Variants in SPCS1 observed in about 807,000 individuals in gnomAD.
SPCS1 encodes signal peptidase complex subunit 1, also known as SPase 12 kDa subunit.
Under a neutral mutation model 16.4 loss-of-function variants are expected in SPCS1, and 10 were observed. The ratio of observed to expected loss-of-function variants is 0.61; its 90% CI spans 0.38 to 1.03. The LOEUF is 1.03. Ranked by LOEUF, SPCS1 falls within the 50% of genes least tolerant of loss-of-function variation. SPCS1 has a pLI of 0.01. For missense variants in SPCS1, 118 were observed against 123.8 expected (o/e 0.95, Z 0.22); for synonymous variants, 47 against 42.5 (o/e 1.10, Z -0.41).
rs1487309381 is a variant in SPCS1 at position 52,706,670 on chromosome 3, A to G, written c.63A>G (p.Glu21=). ...QMDYKGQKLA[E]QMFQGIILFS... The stretch of plus-strand genomic sequence containing the variant: ...ATTACAAGGGCCAGAAGCTAGCTGA[A>G]CAGATGTTTCAGGGAATTATTCTTT... Residue 21 remains glutamate, a synonymous_variant, in exon 2 of 4, where the codon GAA becomes GAG. Transcript: ENST00000619898. The G allele has an allele frequency of 3.7e-6, 6 of 1,613,868 alleles. No homozygotes were observed. The Admixed American group carries it at 5.0e-5, about 13-fold the overall frequency.
chr3:52,706,323 G>C (rs1257186931), intron 1 of SPCS1, 41 bp downstream of exon 1: 13 of 1,577,206 alleles, frequency 8.2e-6, no homozygotes, highest in South Asian at 1.1e-5. Context: ...CCGTTCTTGT[G>C]CCTGGCAGCT....
In SPCS1 at chr3:52,706,199, C is replaced by T. The variant is rs2097344550; in HGVS notation, c.-48C>T. 3.2e-6 allele frequency: 5 copies of T among 1,563,542 alleles called. No homozygotes were observed. The highest frequency in any genetic ancestry group is 3.4e-4 in the Middle Eastern group (2 of 5,818). ...GGTCCTTAAGTCTCGGTCGCCCTCG[C>T]CTCGCAGCCTGCCACCCGCGCTCAG... is the stretch of plus-strand genomic sequence containing the variant. On this transcript the variant is annotated 5_prime_UTR_variant, in exon 1 of 4. Transcript: ENST00000619898.
rs1268566924 is a variant in SPCS1, at chr3:52,708,060, TAATG to T, written c.*251_*254del. 18 of 317,140 alleles carry T rather than the reference TAATG, an allele frequency of 5.7e-5. No individual in the cohort carries two copies. The highest frequency in any genetic ancestry group is 2.7e-4 in the African/African-American group (13 of 47,828). 19.6% of individuals were successfully genotyped at this position (317,140 alleles called of 1,614,324 possible). A position where few individuals can be genotyped will look rare whatever the true frequency, so the allele number is the denominator to read the frequency against. ...GTATGAAGTTTCTTTCAGGTGTAAATAATGAAAAATAAATGCCTCATAAATGATA... is the reference window on the plus strand; with the variant it reads ...GTATGAAGTTTCTTTCAGGTGTAAATAAAAATAAATGCCTCATAAATGATA... On this transcript the variant is annotated 3_prime_UTR_variant, in exon 4 of 4. Transcript: ENST00000619898.
rs762585746 is a variant in SPCS1 at position 52,706,674 on chromosome 3, A to C, written c.67A>C (p.Met23Leu). ...CAAGGGCCAGAAGCTAGCTGAACAG[A>C]TGTTTCAGGGAATTATTCTTTTTTC... ...DYKGQKLAEQ[M>L]FQGIILFSAI... Residue 23 changes from methionine to leucine, a missense_variant, in exon 2 of 4, where the codon ATG becomes CTG. Physicochemically the swap from Met to Leu is conservative, Grantham distance 15 (BLOSUM62 2). Coordinates refer to ENST00000619898, the MANE Select transcript of SPCS1 (RefSeq NM_014041.5). The C allele has an allele frequency of 1.2e-6, 2 of 1,613,782 alleles. No individual in the cohort carries two copies. The highest frequency in any genetic ancestry group is 1.7e-6 in the Non-Finnish European group (2 of 1,179,912).
chr3:52,707,708 A>G lies in SPCS1; in HGVS notation c.205A>G (p.Ile69Val), dbSNP rs1379356068. 3 of 1,614,062 alleles carry G rather than the reference A, an allele frequency of 1.9e-6. No individual in the cohort carries two copies. The highest frequency in any genetic ancestry group is 1.7e-6 in the Non-Finnish European group (2 of 1,179,974). The change falls in exon 4 of 4, where the codon ATC becomes GTC. Residue 69 changes from isoleucine to valine, a missense_variant. Physicochemically the swap from Ile to Val is conservative, Grantham distance 29 (BLOSUM62 3). Transcript: ENST00000619898. ...CCAGCTGACACTTCCTCCATGGCCC[A>G]TCTATCGCCGGCATCCTCTCAAGTG... Reference protein sequence around the residue: ...SCLLTLPPWPIYRRHPLKWLP... With the variant: ...SCLLTLPPWPVYRRHPLKWLP...
In SPCS1 at chr3:52,707,921, A is replaced by G; in HGVS notation, c.*109A>G. On this transcript the variant is annotated 3_prime_UTR_variant, in exon 4 of 4. Transcript: ENST00000619898. The stretch of plus-strand genomic sequence containing the variant: ...TAATGCTCTTATGGCACAGCTGTGT[A>G]TAGATTTAGTTCTCTTTATACTTCA... 1 of 1,367,724 alleles carries G rather than the reference A, an allele frequency of 7.3e-7. No individual in the cohort carries two copies. The highest frequency in any genetic ancestry group is 1.0e-6 in the Non-Finnish European group (1 of 980,426). 84.7% of individuals were successfully genotyped at this position (1,367,724 alleles called of 1,614,324 possible).
At position 52,708,095 on chromosome 3, in the gene SPCS1, A is replaced by G. The variant is rs1410119685; in HGVS notation, c.*283A>G. ...TAAATGCCTCATAAATGATAGTACA[A>G]TGTAACTATCAAAGTTTTATAATTC... On this transcript the variant is annotated 3_prime_UTR_variant, in exon 4 of 4. Coordinates refer to ENST00000619898, the MANE Select transcript of SPCS1 (RefSeq NM_014041.5). 3 of 226,862 alleles carry G rather than the reference A, an allele frequency of 1.3e-5. No homozygotes were observed. The highest frequency in any genetic ancestry group is 1.0e-4 in the Admixed American group (2 of 19,538). 14.1% of individuals were successfully genotyped at this position (226,862 alleles called of 1,614,324 possible). A position where few individuals can be genotyped will look rare whatever the true frequency, so the allele number is the denominator to read the frequency against.
Position 52,706,106 on chromosome 3 carries a change from G to T in SPCS1, c.-141G>T. The T allele has an allele frequency of 6.5e-7, 1 of 1,538,498 alleles. No individual in the cohort carries two copies. Among genetic ancestry groups the T allele is most frequent in the African/African-American group, 1.4e-5 (1 of 73,104 alleles). ...GTCGGAGACTTCCGCTTCCGGGGCC[G>T]CCGCCATCGCTCTCCCGGGCTTAGA... On this transcript the variant is annotated 5_prime_UTR_variant, in exon 1 of 4. Transcript: ENST00000619898.
Position 52,707,311 on chromosome 3 carries a change from A to G in SPCS1, c.184-376A>G, listed in dbSNP as rs548403196. 29 of 209,224 alleles carry G rather than the reference A, an allele frequency of 1.4e-4. No individual in the cohort carries two copies. The East Asian group carries it at 3.4e-3, about 25-fold the overall frequency. The allele number at this position is 209,224 out of a possible 1,614,324, so 13.0% of individuals were successfully genotyped here. ...CAGCCTCCCGAGTAGCTGTGACTACAGGAGCCCACCACCACACCCAGCTAA... is the reference window on the plus strand; with the variant it reads ...CAGCCTCCCGAGTAGCTGTGACTACGGGAGCCCACCACCACACCCAGCTAA... On this transcript the variant is annotated intron_variant, in intron 3 of 3. Transcript: ENST00000619898.
rs899172807 is a variant in SPCS1 at position 52,708,680 on chromosome 3, T to G, written c.*868T>G. On this transcript the variant is annotated 3_prime_UTR_variant, in exon 4 of 4. Coordinates refer to ENST00000619898, the MANE Select transcript of SPCS1 (RefSeq NM_014041.5). ...ATTTAATAGACAAGTGATTTTGTAT[T>G]TAACATTTCACCTTTATTGAATGCC... The G allele has an allele frequency of 1.3e-5, 2 of 152,190 alleles. No homozygotes were observed. The highest frequency in any genetic ancestry group is 2.9e-5 in the Non-Finnish European group (2 of 68,038). 9.4% of individuals were successfully genotyped at this position (152,190 alleles called of 1,614,324 possible). A position where few individuals can be genotyped will look rare whatever the true frequency, so the allele number is the denominator to read the frequency against.
chr3:52,709,927 T>C lies in SPCS1; in HGVS notation c.*2115T>C, dbSNP rs1433642863. The C allele has an allele frequency of 6.6e-6, 1 of 152,128 alleles. No individual in the cohort carries two copies. The highest frequency in any genetic ancestry group is 1.5e-5 in the Non-Finnish European group (1 of 68,030). The allele number at this position is 152,128 out of a possible 1,614,324, so 9.4% of individuals were successfully genotyped here. On this transcript the variant is annotated 3_prime_UTR_variant, in exon 4 of 4. Transcript: ENST00000619898. ...CTTGATGGTTTTGCAAGTTGAGTTCTAGCAAACCCTTCAAAGTGAAAATAA... is the reference window on the plus strand; with the variant it reads ...CTTGATGGTTTTGCAAGTTGAGTTCCAGCAAACCCTTCAAAGTGAAAATAA...
chr3:52,707,885 C>T lies in SPCS1; in HGVS notation c.*73C>T. The stretch of plus-strand genomic sequence containing the variant: ...ATTGCTTTCATACCCCAGATAAGAG[C>T]TAAAACCACCTAATGCTCTTATGGC... On this transcript the variant is annotated 3_prime_UTR_variant, in exon 4 of 4. Coordinates refer to ENST00000619898, the MANE Select transcript of SPCS1 (RefSeq NM_014041.5). The T allele has an allele frequency of 6.5e-7, 1 of 1,546,954 alleles. No individual in the cohort carries two copies. The highest frequency in any genetic ancestry group is 8.9e-7 in the Non-Finnish European group (1 of 1,123,402).
Position 52,706,215 on chromosome 3 carries a change from C to A in SPCS1, c.-32C>A, listed in dbSNP as rs1190462310. The A allele has an allele frequency of 1.3e-6, 2 of 1,576,800 alleles. No individual in the cohort carries two copies. Among genetic ancestry groups the A allele is most frequent in the South Asian group, 1.1e-5 (1 of 88,012 alleles). On this transcript the variant is annotated 5_prime_UTR_variant, in exon 1 of 4. Coordinates refer to ENST00000619898, the MANE Select transcript of SPCS1 (RefSeq NM_014041.5). Reference sequence around the variant, plus strand: ...TCGCCCTCGCCTCGCAGCCTGCCACCCGCGCTCAGCTGCCCGCCTCCTCAG... The same window carrying A: ...TCGCCCTCGCCTCGCAGCCTGCCACACGCGCTCAGCTGCCCGCCTCCTCAG...
At chr3:52,707,548 C>T in intron 3 of SPCS1, 139 bp from the exon 4 acceptor site, 2 of 817,680 alleles carry the variant, frequency 2.4e-6, no homozygotes, top group Non-Finnish European at 1.9e-6. Context: ...TGGCACAGAG[C>T]CTTTATAGGA....
rs1553913192 is a variant in SPCS1 at position 52,706,616 on chromosome 3, A to T, written c.37-28A>T. The T allele has an allele frequency of 2.5e-6, 4 of 1,610,024 alleles. No homozygotes were observed. The Admixed American group carries it at 6.7e-5, about 27-fold the overall frequency. On this transcript the variant is annotated intron_variant, in intron 1 of 3. Coordinates refer to ENST00000619898, the MANE Select transcript of SPCS1 (RefSeq NM_014041.5). The stretch of plus-strand genomic sequence containing the variant: ...TTGTATGTTCTCGGCGGTGGAACCA[A>T]TTCTTTTTTTCCTCTGCTTCACCCC...
chr3:52,708,821 C>CAT lies in SPCS1; in HGVS notation c.*1011_*1012dup, dbSNP rs2097347428. ...CACTGCAGTGTAGCCAGAGCAAGGACATAAAACTTCCTTAGCTTTGTAAGT... is the reference window on the plus strand; with the variant it reads ...CACTGCAGTGTAGCCAGAGCAAGGACATATAAAACTTCCTTAGCTTTGTAAGT... On this transcript the variant is annotated 3_prime_UTR_variant, in exon 4 of 4. Coordinates refer to ENST00000619898, the MANE Select transcript of SPCS1 (RefSeq NM_014041.5). 2 of 151,806 alleles carry CAT rather than the reference C, an allele frequency of 1.3e-5. No individual in the cohort carries two copies. The highest frequency in any genetic ancestry group is 2.9e-5 in the Non-Finnish European group (2 of 67,960). 9.4% of individuals were successfully genotyped at this position (151,806 alleles called of 1,614,324 possible). A position where few individuals can be genotyped will look rare whatever the true frequency, so the allele number is the denominator to read the frequency against.
intron 3 of SPCS1, 98 bp from the exon 4 acceptor site, chr3:52,707,589 C>A: frequency 7.5e-7 from 1 of 1,324,796 alleles, no homozygotes; most frequent in Non-Finnish European, 1.0e-6. Flanking sequence ...TTTTTTGTTC[C>A]CTCAGCATAG....
At position 52,707,822 on chromosome 3, in the gene SPCS1, G is replaced by T; in HGVS notation, c.*10G>T. The T allele has an allele frequency of 6.2e-7, 1 of 1,613,726 alleles. No individual in the cohort carries two copies. The highest frequency in any genetic ancestry group is 1.1e-5 in the South Asian group (1 of 91,026). ...TGCTAAAAATAATTGAGGTTTTCAT[G>T]ATTCAGCACCTGCTTTTGTTTCTGT... On this transcript the variant is annotated 3_prime_UTR_variant, in exon 4 of 4. Transcript: ENST00000619898.
Position 52,706,204 on chromosome 3 carries a change from C to T in SPCS1, c.-43C>T. 6.4e-7 allele frequency: 1 copy of T among 1,568,532 alleles called. No individual in the cohort carries two copies. Among genetic ancestry groups the T allele is most frequent in the Non-Finnish European group, 8.6e-7 (1 of 1,164,042 alleles). ...TTAAGTCTCGGTCGCCCTCGCCTCG[C>T]AGCCTGCCACCCGCGCTCAGCTGCC... On this transcript the variant is annotated 5_prime_UTR_variant, in exon 1 of 4. Coordinates refer to ENST00000619898, the MANE Select transcript of SPCS1 (RefSeq NM_014041.5).
Sources: gnomAD v4.1 joint callset for allele counts on GRCh38, gnomAD v4.1.1 for gene constraint, MANE v1.5 for transcripts, NCBI Gene and HGNC (gene_info 2026-07-23, HGNC 2026-07-21) for gene names.